Variants in ATP10A observed in about 807,000 individuals in gnomAD.
ATP10A encodes the protein phospholipid-transporting ATPase VA.
ATP10A carries 111 observed loss-of-function variants against 147.8 expected under a neutral mutation model. The ratio of observed to expected loss-of-function variants is 0.75; its 90% CI spans 0.64 to 0.88. The LOEUF (loss-of-function observed/expected upper bound fraction) is 0.88, where lower values mean the gene tolerates loss of function less well. Ranked by LOEUF, ATP10A falls within the 40% of genes least tolerant of loss-of-function variation. The pLI is 0.00. For synonymous variants in ATP10A, 875 were observed against 841.6 expected (o/e 1.04, Z -0.69); for missense variants, 1,927 against 1,959.0 (o/e 0.98, Z 0.31).
chr15:25,685,889 G>A (rs1422113207), intron 16 of ATP10A, among the ~76,000 whole-genome samples: 2 of 151,364 alleles, frequency 1.3e-5, no homozygotes, highest in Non-Finnish European at 2.9e-5. Flanking sequence ...GCTAACAAGT[G>A]ATAGAAAGGG....
chr15:25,716,661 G>C, intron 9 of ATP10A, 69 bp downstream of exon 9: 1 of 1,416,984 alleles, frequency 7.1e-7, no homozygotes, highest in East Asian at 2.5e-5. Flanking sequence ...CCTGCCCTCA[G>C]GAGGACTGAC....
chr15:25,830,725 T>C (rs1279177596), intron 1 of ATP10A, among the ~76,000 whole-genome samples: 1 of 152,174 alleles, frequency 6.6e-6, no homozygotes, highest in African/African-American at 2.4e-5. Context: ...TCCCCCTGCA[T>C]TGTCCCATGA....
At chr15:25,770,316 G>A (rs181414781) in intron 2 of ATP10A, among the ~76,000 whole-genome samples, 67 of 152,288 alleles carry the variant, frequency 4.4e-4, no homozygotes, top group African/African-American at 1.4e-3. Flanking sequence ...CAATGGTGAC[G>A]CTGCTCTGCA....
At position 25,716,855 on chromosome 15, in the gene ATP10A, C is replaced by T. The variant is rs757470044; in HGVS notation, c.1651G>A (p.Ala551Thr). 6.2e-7 allele frequency: 1 copy of T among 1,610,776 alleles called. No individual in the cohort carries two copies. Residue 551 changes from alanine to threonine, a missense_variant, in exon 9 of 21, where the codon GCG becomes ACG. Coordinates refer to ENST00000555815, the MANE Select transcript of ATP10A (RefSeq NM_024490.4). ...GCCAGCAGGTGCTCCTGATGCCTCG[C>T]CACGGCTAGGCTCTTGTCACACTCA... ...VSECDKSLAV[A>T]RHQEHLLAHL... is the part of the protein sequence containing the mutation.
At chr15:25,820,211 T>C (rs1164299410) in intron 1 of ATP10A, among the ~76,000 whole-genome samples, 2 of 152,196 alleles carry the variant, frequency 1.3e-5, no homozygotes, top group African/African-American at 4.8e-5. Flanking sequence ...ATGAACAATC[T>C]GCATCAGCAA....
intron 1 of ATP10A, among the ~76,000 whole-genome samples, chr15:25,856,970 A>AAAG (rs1893545111): frequency 6.6e-6 from 1 of 152,078 alleles, no homozygotes; most frequent in Non-Finnish European, 1.5e-5. Context: ...GCAAGGGAAA[A>AAAG]AAAGAAAGAG....
intron 1 of ATP10A, among the ~76,000 whole-genome samples, chr15:25,847,225 G>GTGC (rs1555480185): frequency 5.3e-5 from 8 of 151,706 alleles, no homozygotes; most frequent in Non-Finnish European, 5.9e-5. Context: ...TGAGCAGCAC[G>GTGC]CGCAGGCACT....
chr15:25,857,633 A>G (rs1377097142), intron 1 of ATP10A, among the ~76,000 whole-genome samples: 1 of 152,200 alleles, frequency 6.6e-6, no homozygotes, highest in African/African-American at 2.4e-5. Flanking sequence ...GTTAGCCATG[A>G]GTTGCTAATT....
intron 10 of ATP10A, among the ~76,000 whole-genome samples, chr15:25,712,740 T>C (rs996765633): frequency 6.6e-6 from 1 of 151,938 alleles, no homozygotes. Flanking sequence ...GTCATCATCA[T>C]GGAAGGTCAT....
chr15:25,691,886 T>G (rs4906745), intron 14 of ATP10A, 95 bp from the exon 15 acceptor site: 351,298 of 1,461,126 alleles, frequency 0.24, 46,938 homozygotes, highest in Non-Finnish European at 0.27. Flanking sequence ...CCCGCTGAAC[T>G]CAGTCCTGTG....
intron 16 of ATP10A, 95 bp downstream of exon 16, chr15:25,687,608 C>A: frequency 5.1e-6 from 4 of 782,730 alleles, no homozygotes; most frequent in African/African-American, 1.9e-5. Context: ...TCCATGGCCT[C>A]CCATCTGCTC....
At chr15:25,819,943 G>A (rs1201100229) in intron 1 of ATP10A, among the ~76,000 whole-genome samples, 2 of 152,090 alleles carry the variant, frequency 1.3e-5, no homozygotes, top group Non-Finnish European at 2.9e-5. Flanking sequence ...GCGGAAGGAG[G>A]TGAGGGATGA....
chr15:25,713,988 C>A lies in ATP10A; in HGVS notation c.2030G>T (p.Trp677Leu). The A allele has an allele frequency of 6.2e-7, 1 of 1,609,822 alleles. No homozygotes were observed. The highest frequency in any genetic ancestry group is 8.5e-7 in the Non-Finnish European group (1 of 1,179,922). The change falls in exon 10 of 21, where the codon TGG becomes TTG. Residue 677 changes from tryptophan to leucine, a missense_variant. Coordinates refer to ENST00000555815, the MANE Select transcript of ATP10A (RefSeq NM_024490.4). ...CTGCTCCTGAGCAAGCTCCGAGGCC[C>A]AGTTGTCCGCCTGGCTGCTGTAGCC... ...SNGYSSQADNWASELAQEQES... is the reference protein window; with the variant it reads ...SNGYSSQADNLASELAQEQES...
chr15:25,720,714 A>G (rs757895745), intron 7 of ATP10A, among the ~76,000 whole-genome samples: 14 of 152,142 alleles, frequency 9.2e-5, no homozygotes, highest in Non-Finnish European at 2.1e-4. Context: ...AACTTTAAAC[A>G]AAGTGGGTAA....
intron 1 of ATP10A, among the ~76,000 whole-genome samples, chr15:25,850,877 A>G (rs1893268915): frequency 6.6e-6 from 1 of 152,186 alleles, no homozygotes; most frequent in Non-Finnish European, 1.5e-5. Flanking sequence ...AAAGTAGTGA[A>G]ATGCTTTAAA....
At chr15:25,683,257 T>A (rs757684105) in intron 17 of ATP10A, 29 bp downstream of exon 17, 21 of 1,606,168 alleles carry the variant, frequency 1.3e-5, no homozygotes, top group Non-Finnish European at 1.8e-5. Context: ...GCTCAGGAGG[T>A]GGAAGGCGGA....
At chr15:25,736,298 C>A (rs1040797084) in intron 2 of ATP10A, among the ~76,000 whole-genome samples, 157 bp from the exon 3 acceptor site, 3 of 152,190 alleles carry the variant, frequency 2.0e-5, no homozygotes, top group Admixed American at 6.5e-5. Flanking sequence ...AACGCCTTCT[C>A]CACTGTATAA....
At chr15:25,840,361 G>A (rs1892761223) in intron 1 of ATP10A, among the ~76,000 whole-genome samples, 1 of 151,978 alleles carries the variant, frequency 6.6e-6, no homozygotes. Flanking sequence ...TCCACCCTCA[G>A]GTAGACTCCA....
At chr15:25,837,843 T>C (rs896611357) in intron 1 of ATP10A, among the ~76,000 whole-genome samples, 1 of 151,454 alleles carries the variant, frequency 6.6e-6, no homozygotes, top group Non-Finnish European at 1.5e-5. Context: ...CAGGCTCAGG[T>C]GGAAGGGGAG....
Sources: allele counts gnomAD v4.1 joint callset (sites outside exome capture counted in the v4.1 genomes callset), GRCh38; gene constraint gnomAD v4.1.1; transcripts MANE v1.5; gene names NCBI Gene and HGNC (gene_info 2026-07-23, HGNC 2026-07-21).